Variants in KCNIP4 observed in about 807,000 individuals in gnomAD.
KCNIP4 encodes potassium voltage-gated channel interacting protein 4.
KCNIP4 carries 12 observed loss-of-function variants against 34.0 expected under a neutral mutation model. That is an observed-to-expected ratio of 0.35 (90% confidence interval 0.23 to 0.57). KCNIP4 has a LOEUF of 0.57. KCNIP4 is among the 20% of genes least tolerant of loss of function. The pLI, the probability that KCNIP4 is intolerant of heterozygous loss-of-function variation, is 0.83. For synonymous variants in KCNIP4, 124 were observed against 102.2 expected (o/e 1.21, Z -1.29); for missense variants, 238 against 311.7 (o/e 0.76, Z 1.78).
intron 1 of KCNIP4, among the ~76,000 whole-genome samples, chr4:21,639,202 T>G (rs2109228073): frequency 6.6e-6 from 1 of 152,322 alleles, no homozygotes; most frequent in East Asian, 1.9e-4. Context: ...GCTTCTATTT[T>G]CTTATGCTGC....
At chr4:21,529,803 T>A (rs1165945047) in intron 1 of KCNIP4, among the ~76,000 whole-genome samples, 1 of 152,214 alleles carries the variant, frequency 6.6e-6, no homozygotes, top group Non-Finnish European at 1.5e-5. Context: ...TATTGCTTTG[T>A]GAATCTGAGG....
chr4:21,574,250 ATTTCAT>A (rs561815127), intron 1 of KCNIP4, among the ~76,000 whole-genome samples: 5 of 152,106 alleles, frequency 3.3e-5, no homozygotes, highest in Admixed American at 1.3e-4. Context: ...GAAATTTACA[ATTTCAT>A]TTTCATTTTC....
At chr4:21,102,733 T>G (rs534562521) in intron 1 of KCNIP4, among the ~76,000 whole-genome samples, 1 of 152,192 alleles carries the variant, frequency 6.6e-6, no homozygotes, top group African/African-American at 2.4e-5. Flanking sequence ...ATACATTTTC[T>G]TTGAGAACAA....
intron 1 of KCNIP4, among the ~76,000 whole-genome samples, chr4:21,112,073 C>CT (rs34671847): frequency 3.3e-5 from 3 of 90,982 alleles, no homozygotes; most frequent in African/African-American, 1.2e-4. Context: ...ATCTATCTAT[C>CT]ATCTATATCA....
intron 1 of KCNIP4, among the ~76,000 whole-genome samples, chr4:21,789,073 A>C (rs77990223): frequency 3.1e-5 from 3 of 96,404 alleles, no homozygotes; most frequent in African/African-American, 2.1e-4. Context: ...ATTCTGTCAA[A>C]AAAAAAAAAA....
rs558580058 is a variant in KCNIP4 at position 21,668,512 on chromosome 4, T to G, written c.61+280059A>C. On this transcript the variant is annotated intron_variant, in intron 1 of 8. Coordinates refer to ENST00000382152, the MANE Select transcript of KCNIP4 (RefSeq NM_025221.6). The stretch of plus-strand genomic sequence containing the variant: ...GCGGGTATAAAACTGAAATTAGAAC[T>G]AAGTTCTGAATTGACATGTATCAAG... 5.8e-4 allele frequency among the ~76,000 whole-genome samples: 88 copies of G among 152,334 alleles called. 1 individual carries two copies. The highest frequency in any genetic ancestry group is 2.1e-3 in the African/African-American group (86 of 41,586).
chr4:21,706,741 C>T (rs1274463138), intron 1 of KCNIP4, among the ~76,000 whole-genome samples: 2 of 152,110 alleles, frequency 1.3e-5, no homozygotes, highest in African/African-American at 2.4e-5. Flanking sequence ...CTCAAAACAT[C>T]GTGGTGTGTT....
chr4:20,955,690 G>A (rs1733227956), intron 1 of KCNIP4, among the ~76,000 whole-genome samples: 1 of 152,060 alleles, frequency 6.6e-6, no homozygotes, highest in South Asian at 2.1e-4. Flanking sequence ...GATTACCTGA[G>A]AGAGGTAAGT....
At chr4:21,180,446 T>C (rs1754757340) in intron 1 of KCNIP4, among the ~76,000 whole-genome samples, 1 of 152,094 alleles carries the variant, frequency 6.6e-6, no homozygotes, top group Non-Finnish European at 1.5e-5. Context: ...GAGAAACCAA[T>C]ATACATTTAT....
At chr4:21,265,935 T>G (rs537750172) in intron 1 of KCNIP4, among the ~76,000 whole-genome samples, 1 of 152,402 alleles carries the variant, frequency 6.6e-6, no homozygotes, top group South Asian at 2.1e-4. Context: ...AAGACCATAA[T>G]AATGATTGTT....
chr4:21,785,720 A>G (rs948161499), intron 1 of KCNIP4, among the ~76,000 whole-genome samples: 1 of 152,242 alleles, frequency 6.6e-6, no homozygotes, highest in Non-Finnish European at 1.5e-5. Flanking sequence ...TCTATATTGA[A>G]TCATACAAAA....
intron 1 of KCNIP4, among the ~76,000 whole-genome samples, chr4:21,465,742 T>C (rs1002644871): frequency 6.6e-6 from 1 of 151,898 alleles, no homozygotes; most frequent in Non-Finnish European, 1.5e-5. Flanking sequence ...TAAGATAAGG[T>C]ACCTGACACA....
chr4:20,729,306 C>T lies in KCNIP4; in HGVS notation c.*776G>A, dbSNP rs189146202. 2.0e-5 allele frequency: 3 copies of T among 151,694 alleles called. No individual in the cohort carries two copies. The highest frequency in any genetic ancestry group is 4.8e-5 in the African/African-American group (2 of 41,354). 9.4% of individuals were successfully genotyped at this position (151,694 alleles called of 1,614,324 possible). A position where few individuals can be genotyped will look rare whatever the true frequency, so the allele number is the denominator to read the frequency against. ...TTTTGTTTGATGCCTTCTTCAACTT[C>T]CACTTAATGATTGATACTAATGATT... is the stretch of plus-strand genomic sequence containing the variant. On this transcript the variant is annotated 3_prime_UTR_variant, in exon 9 of 9. Coordinates refer to ENST00000382152, the MANE Select transcript of KCNIP4 (RefSeq NM_025221.6).
intron 1 of KCNIP4, among the ~76,000 whole-genome samples, chr4:21,446,017 G>A (rs532644247): frequency 6.6e-6 from 1 of 152,230 alleles, no homozygotes; most frequent in East Asian, 1.9e-4. Context: ...ACAGACACAG[G>A]AAAAAATGCT....
chr4:21,181,634 G>C (rs1325269770), intron 1 of KCNIP4, among the ~76,000 whole-genome samples: 1 of 152,078 alleles, frequency 6.6e-6, no homozygotes, highest in African/African-American at 2.4e-5. Flanking sequence ...GTAATAGGTA[G>C]GGCTAAGTCG....
intron 1 of KCNIP4, among the ~76,000 whole-genome samples, chr4:21,022,342 A>G (rs1418472035): frequency 6.6e-6 from 1 of 152,354 alleles, no homozygotes; most frequent in African/African-American, 2.4e-5. Flanking sequence ...AAGCATCTTA[A>G]AAACAAACTC....
chr4:21,730,870 C>A (rs769336891), intron 1 of KCNIP4, among the ~76,000 whole-genome samples: 3 of 151,944 alleles, frequency 2.0e-5, no homozygotes, highest in African/African-American at 4.8e-5. Context: ...TCCAGCACTT[C>A]GGGAGGCCAA....
rs184941003 is a variant in KCNIP4, at chr4:21,914,066, C to T, written c.61+34505G>A. On this transcript the variant is annotated intron_variant, in intron 1 of 8. Coordinates refer to ENST00000382152, the MANE Select transcript of KCNIP4 (RefSeq NM_025221.6). Reference sequence around the variant, plus strand: ...CAGAGGCCACCGCATGAAACAAAGGCCTGTGCAAAGCTGAGAATTTGGCCC... The same window carrying T: ...CAGAGGCCACCGCATGAAACAAAGGTCTGTGCAAAGCTGAGAATTTGGCCC... 9.2e-5 allele frequency among the ~76,000 whole-genome samples: 14 copies of T among 152,168 alleles called. No homozygotes were observed. The East Asian group carries it at 2.7e-3, about 30-fold the overall frequency.
chr4:20,817,164 T>C (rs908042159), intron 3 of KCNIP4, among the ~76,000 whole-genome samples: 2 of 152,340 alleles, frequency 1.3e-5, no homozygotes, highest in East Asian at 1.9e-4. Flanking sequence ...ACAGTTTACA[T>C]GTGTTGTGGG....
Sources: gnomAD v4.1 joint callset for allele counts (sites outside exome capture counted in the v4.1 genomes callset) on GRCh38, gnomAD v4.1.1 for gene constraint, MANE v1.5 for transcripts, NCBI Gene and HGNC (gene_info 2026-07-23, HGNC 2026-07-21) for gene names.